CPSF3: variants seen among roughly 807,000 people sequenced by gnomAD.
The protein encoded by CPSF3 is cleavage and polyadenylation specific factor 3.
A neutral mutation model predicts 84.1 loss-of-function variants in CPSF3; 57 were observed. The ratio of observed to expected loss-of-function variants is 0.68; its 90% CI spans 0.55 to 0.85. The LOEUF (loss-of-function observed/expected upper bound fraction) is 0.85. Among genes scored for constraint, CPSF3 ranks in the 40% least tolerant of loss-of-function variants. The pLI is 0.00. For missense variants in CPSF3, 522 were observed against 838.8 expected (o/e 0.62, Z 4.66); for synonymous variants, 275 against 278.1 (o/e 0.99, Z 0.11).
chr2:9,428,415 G>C (rs915790898), intron 1 of CPSF3, among the ~76,000 whole-genome samples: 1 of 152,076 alleles, frequency 6.6e-6, no homozygotes, highest in Non-Finnish European at 1.5e-5. Flanking sequence ...TATAATCTGC[G>C]TAACTGCTAG....
At chr2:9,467,172 C>T (rs543839851) in intron 15 of CPSF3, among the ~76,000 whole-genome samples, 1 of 151,982 alleles carries the variant, frequency 6.6e-6, no homozygotes, top group Non-Finnish European at 1.5e-5. Context: ...TTAAGGGGGG[C>T]CCATTTTCCC....
At chr2:9,450,290 C>T (rs2124839316) in intron 11 of CPSF3, among the ~76,000 whole-genome samples, 1 of 151,660 alleles carries the variant, frequency 6.6e-6, no homozygotes, top group South Asian at 2.1e-4. Flanking sequence ...TAGCTGGGAT[C>T]ACAGGTGCCC....
At chr2:9,450,570 C>G (rs1681292307) in intron 11 of CPSF3, among the ~76,000 whole-genome samples, 1 of 152,034 alleles carries the variant, frequency 6.6e-6, no homozygotes, top group South Asian at 2.1e-4. Context: ...GACAAATCAT[C>G]TGAGATCAGG....
chr2:9,439,396 C>G (rs2124821258), intron 7 of CPSF3, among the ~76,000 whole-genome samples: 1 of 150,010 alleles, frequency 6.7e-6, no homozygotes. Flanking sequence ...TGGCATGAAC[C>G]CGGGAGGCGG....
chr2:9,472,865 A>G, intron 17 of CPSF3, 51 bp from the exon 18 acceptor site: 2 of 1,191,364 alleles, frequency 1.7e-6, no homozygotes, highest in East Asian at 2.5e-5. Flanking sequence ...TATCTTCTAT[A>G]TAATCATTAT....
intron 13 of CPSF3, among the ~76,000 whole-genome samples, chr2:9,456,435 A>C (rs1239837530): frequency 1.3e-5 from 2 of 152,246 alleles, no homozygotes; most frequent in Non-Finnish European, 2.9e-5. Flanking sequence ...TAAACCTTGG[A>C]ACCTTGCACT....
In CPSF3 at chr2:9,448,245, A is replaced by C. The variant is rs1373070353; in HGVS notation, c.1290A>C (p.Ala430=). ...ATGAAATGGCCAGATTGAAAGCAGC[A>C]CTGATTCGAGAATATGAAGATAACG... The part of the protein sequence containing the change: ...EQNEMARLKA[A]LIREYEDNDE... Residue 430 remains alanine, a synonymous_variant, in exon 11 of 18, where the codon GCA becomes GCC. Coordinates refer to ENST00000238112, the MANE Select transcript of CPSF3 (RefSeq NM_016207.4). 8 of 1,612,144 alleles carry C rather than the reference A, an allele frequency of 5.0e-6. No homozygotes were observed. The highest frequency in any genetic ancestry group is 2.2e-5 in the East Asian group (1 of 44,840).
intron 11 of CPSF3, among the ~76,000 whole-genome samples, chr2:9,451,476 G>A (rs750120422): frequency 2.0e-5 from 3 of 152,010 alleles, no homozygotes; most frequent in Non-Finnish European, 4.4e-5. Context: ...AAGAATACTG[G>A]GTTTCAGCCA....
chr2:9,466,350 GC>G (rs1681964853), intron 15 of CPSF3, among the ~76,000 whole-genome samples: 1 of 108,186 alleles, frequency 9.2e-6, no homozygotes, highest in African/African-American at 4.6e-5. Context: ...ACGCGCGCGC[GC>G]GCACACACAC....
chr2:9,432,343 G>T (rs1016280588), intron 4 of CPSF3, among the ~76,000 whole-genome samples, 168 bp from the exon 5 acceptor site: 2 of 91,272 alleles, frequency 2.2e-5, no homozygotes, highest in Admixed American at 8.7e-5. Flanking sequence ...ACACAATAGA[G>T]TAAAAAAAAA....
chr2:9,450,692 G>A (rs1393062674), intron 11 of CPSF3, among the ~76,000 whole-genome samples: 2 of 152,108 alleles, frequency 1.3e-5, no homozygotes, highest in Admixed American at 1.3e-4. Context: ...GGAGGCTGAG[G>A]CAGGAGAATC....
chr2:9,454,539 CTTTTTTT>C (rs36115189), intron 12 of CPSF3, among the ~76,000 whole-genome samples: 26 of 87,980 alleles, frequency 3.0e-4, no homozygotes, highest in Non-Finnish European at 4.7e-4. Context: ...CTCTTATACT[CTTTTTTT>C]TTTTTTTTTT....
At chr2:9,423,977 G>T (rs923248727) in intron 1 of CPSF3, 154 bp downstream of exon 1, 25 of 1,435,522 alleles carry the variant, frequency 1.7e-5, no homozygotes, top group Non-Finnish European at 2.3e-5. Context: ...GGCTCGAGGG[G>T]TTGGAGGACC....
At chr2:9,434,254 A>G in intron 6 of CPSF3, among the ~76,000 whole-genome samples, 1 of 151,924 alleles carries the variant, frequency 6.6e-6, no homozygotes, top group East Asian at 1.9e-4. Flanking sequence ...GTGGTGGTGC[A>G]GTTACCTGGG....
At chr2:9,442,484 GAT>G (rs1680987833) in intron 9 of CPSF3, among the ~76,000 whole-genome samples, 1 of 152,158 alleles carries the variant, frequency 6.6e-6, no homozygotes, top group South Asian at 2.1e-4. Context: ...TTAAAAATAT[GAT>G]ATGATTCTTT....
In CPSF3 at chr2:9,424,181, A is replaced by G. The variant is rs1680243622; in HGVS notation, c.50+358A>G. ...AGGGCAAGCTGTGAGGGAGCCGGTG[A>G]AGCTTATGACCGACAGGATGAGAGG... On this transcript the variant is annotated intron_variant, in intron 1 of 17. Transcript: ENST00000238112. 6 of 1,038,178 alleles carry G rather than the reference A, an allele frequency of 5.8e-6. No individual in the cohort carries two copies. The African/African-American group carries it at 1.0e-4, about 18-fold the overall frequency. The allele number at this position is 1,038,178 out of a possible 1,614,324, so 64.3% of individuals were successfully genotyped here. A position where few individuals can be genotyped will look rare whatever the true frequency, so the allele number is the denominator to read the frequency against.
chr2:9,458,144 C>T (rs1274236887), intron 14 of CPSF3, among the ~76,000 whole-genome samples: 1 of 152,198 alleles, frequency 6.6e-6, no homozygotes, highest in Non-Finnish European at 1.5e-5. Context: ...TGGCTCACAG[C>T]TGTAATCCCA....
At chr2:9,429,221 C>T (rs1680493009) in intron 2 of CPSF3, among the ~76,000 whole-genome samples, 2 of 152,204 alleles carry the variant, frequency 1.3e-5, no homozygotes, top group South Asian at 2.1e-4. Flanking sequence ...AGCTTGGATC[C>T]CCAGGTCCCA....
Position 9,432,342 on chromosome 2 carries a change from A to T in CPSF3, c.342-169A>T, listed in dbSNP as rs537340817. 3.6e-3 allele frequency among the ~76,000 whole-genome samples: 334 copies of T among 94,038 alleles called. 3 individuals are homozygous for T. Among genetic ancestry groups the T allele is most frequent in the African/African-American group, 0.018 (315 of 17,922 alleles). 61.7% of individuals were successfully genotyped at this position (94,038 alleles called of 152,430 possible). On this transcript the variant is annotated intron_variant, in intron 4 of 17. Coordinates refer to ENST00000238112, the MANE Select transcript of CPSF3 (RefSeq NM_016207.4). ...AGTTTTGTAGCTATACACACAATAG[A>T]GTAAAAAAAAAATACACAAAATATC...
Sources: gnomAD v4.1 joint callset for allele counts (sites outside exome capture counted in the v4.1 genomes callset) on GRCh38, gnomAD v4.1.1 for gene constraint, MANE v1.5 for transcripts, NCBI Gene and HGNC (gene_info 2026-07-23, HGNC 2026-07-21) for gene names.